Variants in PACRG observed in about 807,000 individuals in gnomAD.
The protein encoded by PACRG is parkin coregulated gene protein.
Under a neutral mutation model 29.7 loss-of-function variants are expected in PACRG, and 29 were observed. The observed-to-expected ratio is 0.98, with a 90% CI of 0.73 to 1.33. PACRG has a LOEUF of 1.33. PACRG is among the 40% of genes most tolerant of loss of function. The pLI is 0.00. For missense variants in PACRG, 279 were observed against 316.2 expected, an observed-to-expected ratio of 0.88 and a Z score of 0.89; for synonymous variants, 116 against 118.7, an observed-to-expected ratio of 0.98 and a Z score of 0.15.
At chr6:163,045,311 A>G (rs574368097) in intron 2 of PACRG, among the ~76,000 whole-genome samples, 1 of 152,244 alleles carries the variant, frequency 6.6e-6, no homozygotes, top group East Asian at 1.9e-4. Flanking sequence ...TCACAGGAAT[A>G]GAGAAAGCTA....
At chr6:162,968,834 G>A (rs1801270791) in intron 2 of PACRG, among the ~76,000 whole-genome samples, 1 of 151,978 alleles carries the variant, frequency 6.6e-6, no homozygotes, top group Non-Finnish European at 1.5e-5. Context: ...GGATCACAAG[G>A]TCAGGAGTAC....
At chr6:162,902,290 A>G (rs938613982) in intron 2 of PACRG, among the ~76,000 whole-genome samples, 2 of 152,232 alleles carry the variant, frequency 1.3e-5, no homozygotes, top group South Asian at 4.1e-4. Context: ...GTAGGAAGCA[A>G]TCCATTTGGA....
intron 2 of PACRG, among the ~76,000 whole-genome samples, chr6:162,829,368 A>G (rs1016637736): frequency 6.6e-6 from 1 of 152,264 alleles, no homozygotes; most frequent in Non-Finnish European, 1.5e-5. Flanking sequence ...AACAGGATGT[A>G]TCTGAGAAAT....
chr6:163,272,456 C>T (rs1783867860), intron 4 of PACRG, among the ~76,000 whole-genome samples: 1 of 152,128 alleles, frequency 6.6e-6, no homozygotes, highest in African/African-American at 2.4e-5. Context: ...GACTATATTA[C>T]CTTCTCCTTC....
intron 2 of PACRG, among the ~76,000 whole-genome samples, chr6:162,863,004 A>G (rs1421048475): frequency 1.3e-5 from 2 of 152,222 alleles, no homozygotes; most frequent in Non-Finnish European, 2.9e-5. Flanking sequence ...GGTCCTGTTT[A>G]TGAGCCCAAG....
chr6:163,280,290 T>C (rs1291884144), intron 4 of PACRG, among the ~76,000 whole-genome samples: 1 of 152,154 alleles, frequency 6.6e-6, no homozygotes, highest in Non-Finnish European at 1.5e-5. Flanking sequence ...TGCACCCCCA[T>C]GCTAGCACCA....
intron 4 of PACRG, among the ~76,000 whole-genome samples, chr6:163,110,741 C>G (rs1815668999): frequency 6.6e-6 from 1 of 152,218 alleles, no homozygotes; most frequent in Admixed American, 6.5e-5. Flanking sequence ...TGCTCAGCCC[C>G]TCAGACCTGT....
chr6:162,892,284 G>A (rs982070039), intron 2 of PACRG, among the ~76,000 whole-genome samples: 1 of 152,162 alleles, frequency 6.6e-6, no homozygotes, highest in Admixed American at 6.5e-5. Context: ...GTTGAGCACT[G>A]GATCAGTCTC....
chr6:163,069,060 A>T (rs1260268807), intron 3 of PACRG, among the ~76,000 whole-genome samples: 1 of 152,128 alleles, frequency 6.6e-6, no homozygotes, highest in Non-Finnish European at 1.5e-5. Flanking sequence ...ATTGACCAAC[A>T]AGGCAGTACC....
chr6:162,980,408 A>G (rs1802315359), intron 2 of PACRG, among the ~76,000 whole-genome samples: 1 of 152,094 alleles, frequency 6.6e-6, no homozygotes, highest in African/African-American at 2.4e-5. Context: ...TTCTTGCCAT[A>G]TATTAAGAAA....
chr6:163,235,919 G>A (rs60320767), intron 4 of PACRG, among the ~76,000 whole-genome samples: 62,852 of 151,712 alleles, frequency 0.41, 13,987 homozygotes, highest in African/African-American at 0.58. Context: ...CACTAAAAAA[G>A]AAAGGAAAAA....
intron 2 of PACRG, among the ~76,000 whole-genome samples, chr6:163,009,323 G>A (rs905888986): frequency 6.6e-6 from 1 of 152,118 alleles, no homozygotes; most frequent in East Asian, 1.9e-4. Context: ...TTTTCATCCT[G>A]TGCAAAGCTT....
chr6:163,168,198 C>T (rs985602696), intron 4 of PACRG, among the ~76,000 whole-genome samples: 8 of 152,122 alleles, frequency 5.3e-5, no homozygotes, highest in African/African-American at 1.2e-4. Context: ...AGCATTTGGC[C>T]GGGTGTGGTG....
At chr6:163,093,067 A>G (rs1379873240) in intron 4 of PACRG, among the ~76,000 whole-genome samples, 1 of 152,140 alleles carries the variant, frequency 6.6e-6, no homozygotes, top group Non-Finnish European at 1.5e-5. Context: ...TAAGTGAAAG[A>G]CTCAGATTCA....
chr6:163,099,776 G>C (rs946307153), intron 4 of PACRG, among the ~76,000 whole-genome samples: 1 of 152,208 alleles, frequency 6.6e-6, no homozygotes, highest in Admixed American at 6.5e-5. Flanking sequence ...CAAAAGCTAA[G>C]CTTGACTGGA....
At chr6:163,242,683 T>C (rs1782547347) in intron 4 of PACRG, among the ~76,000 whole-genome samples, 1 of 149,612 alleles carries the variant, frequency 6.7e-6, no homozygotes, top group Non-Finnish European at 1.5e-5. Flanking sequence ...ATTCAGCTAA[T>C]AAAGTAACTA....
At chr6:163,305,938 C>T (rs577221479) in intron 4 of PACRG, among the ~76,000 whole-genome samples, 7 of 152,182 alleles carry the variant, frequency 4.6e-5, no homozygotes, top group South Asian at 2.1e-4. Flanking sequence ...CTCCTGCTCT[C>T]GCTGTGATGA....
chr6:162,855,539 A>G (rs2128433098), intron 2 of PACRG, among the ~76,000 whole-genome samples: 1 of 152,340 alleles, frequency 6.6e-6, no homozygotes, highest in East Asian at 1.9e-4. Context: ...AGAGTGAGGG[A>G]CTTAAAAATA....
chr6:163,081,410 T>C (rs1813061009), intron 3 of PACRG, among the ~76,000 whole-genome samples: 1 of 152,074 alleles, frequency 6.6e-6, no homozygotes, highest in Admixed American at 6.6e-5. Context: ...AAAAAGATAA[T>C]GGTGAGACTT....
Sources: gnomAD v4.1 joint callset for allele counts (sites outside exome capture counted in the v4.1 genomes callset) on GRCh38, gnomAD v4.1.1 for gene constraint, MANE v1.5 for transcripts, NCBI Gene and HGNC (gene_info 2026-07-23, HGNC 2026-07-21) for gene names.